The following FGD6 variants were observed in gnomAD, a reference collection of about 807,000 sequenced individuals.
FGD6 encodes FYVE, RhoGEF and PH domain containing 6.
A neutral mutation model predicts 149.4 loss-of-function variants in FGD6; 90 were observed. That is an observed-to-expected ratio of 0.60 (90% CI 0.51 to 0.72). FGD6 has a LOEUF of 0.72. Among genes scored for constraint, FGD6 ranks in the 30% least tolerant of loss-of-function variants. FGD6 has a pLI of 0.00. For synonymous variants in FGD6, 527 were observed against 584.0 expected (o/e 0.90, Z 1.41); for missense variants, 1,437 against 1,684.8 (o/e 0.85, Z 2.57).
At chr12:95,149,273 C>CATATATATTATATAAT (rs1213774046) in intron 5 of FGD6, among the ~76,000 whole-genome samples, 1 of 20,156 alleles carries the variant, frequency 5.0e-5, no homozygotes, top group Non-Finnish European at 8.6e-5. Flanking sequence ...TATTATATTA[C>CATATATATTATATAAT]ATATAGCATA....
At chr12:95,135,762 T>C (rs1327472600) in intron 7 of FGD6, among the ~76,000 whole-genome samples, 1 of 152,242 alleles carries the variant, frequency 6.6e-6, no homozygotes, top group Non-Finnish European at 1.5e-5. Context: ...AGAGTGATTA[T>C]GAAATTATAA....
At position 95,210,363 on chromosome 12, in the gene FGD6, T is replaced by C. The variant is rs1272854152; in HGVS notation, c.921A>G (p.Pro307=). The C allele has an allele frequency of 4.3e-6, 7 of 1,613,434 alleles. No individual in the cohort carries two copies. Among genetic ancestry groups the C allele is most frequent in the Admixed American group, 3.3e-5 (2 of 59,836 alleles). The change falls in exon 2 of 21, where the codon CCA becomes CCG. Residue 307 remains proline, a synonymous_variant. Transcript: ENST00000343958. ...DLGPLEIHLV[P]YTPKFPTPKP... Reference sequence around the variant, plus strand: ...TGGGAGTTGGAAATTTTGGGGTATATGGTACTAAATGAATTTCTAAGGGAC... The same window carrying C: ...TGGGAGTTGGAAATTTTGGGGTATACGGTACTAAATGAATTTCTAAGGGAC...
intron 8 of FGD6, among the ~76,000 whole-genome samples, chr12:95,119,901 C>T (rs1438988716): frequency 1.3e-5 from 2 of 152,018 alleles, no homozygotes; most frequent in African/African-American, 2.4e-5. Flanking sequence ...GCCTGGGTGA[C>T]AGAGCAAGAC....
At chr12:95,197,472 G>C (rs187334803) in intron 2 of FGD6, among the ~76,000 whole-genome samples, 8 of 151,942 alleles carry the variant, frequency 5.3e-5, no homozygotes, top group Non-Finnish European at 2.9e-5. Flanking sequence ...ACCCCAAAAG[G>C]CTCCATAAAG....
chr12:95,203,761 A>C (rs1303498018), intron 2 of FGD6, among the ~76,000 whole-genome samples: 1 of 152,254 alleles, frequency 6.6e-6, no homozygotes, highest in African/African-American at 2.4e-5. Context: ...TATTTATAAT[A>C]AGAACAAATT....
intron 8 of FGD6, among the ~76,000 whole-genome samples, chr12:95,132,038 C>A (rs1565904104): frequency 2.6e-5 from 4 of 152,086 alleles, no homozygotes; most frequent in African/African-American, 7.2e-5. Context: ...GATTTCATCT[C>A]ATAAATAAAT....
At chr12:95,144,070 CAT>C (rs2136265103) in intron 5 of FGD6, among the ~76,000 whole-genome samples, 1 of 152,288 alleles carries the variant, frequency 6.6e-6, no homozygotes, top group African/African-American at 2.4e-5. Context: ...CCCTGCATTC[CAT>C]ATGTCTGCCA....
intron 13 of FGD6, among the ~76,000 whole-genome samples, chr12:95,105,867 T>C (rs1339178774): frequency 6.6e-6 from 1 of 151,654 alleles, no homozygotes; most frequent in Non-Finnish European, 1.5e-5. Flanking sequence ...CTGTGAAAAA[T>C]ACAAAAATTA....
chr12:95,121,168 T>C (rs1002160027), intron 8 of FGD6, among the ~76,000 whole-genome samples: 7 of 151,918 alleles, frequency 4.6e-5, no homozygotes, highest in East Asian at 3.9e-4. Context: ...GGCTGGCTGC[T>C]GTGGCTCACC....
chr12:95,106,447 G>GTT (rs540286027), intron 13 of FGD6, among the ~76,000 whole-genome samples: 6 of 139,000 alleles, frequency 4.3e-5, no homozygotes, highest in South Asian at 2.3e-4. Context: ...ATTTTTGTTT[G>GTT]TTTTTTTTTT....
chr12:95,159,367 T>G (rs1880572263), intron 3 of FGD6, among the ~76,000 whole-genome samples: 1 of 152,100 alleles, frequency 6.6e-6, no homozygotes, highest in South Asian at 2.1e-4. Context: ...TTAGGCAGAG[T>G]TATTAGATAT....
chr12:95,094,936 T>A (rs545503944), intron 14 of FGD6, among the ~76,000 whole-genome samples: 1 of 152,364 alleles, frequency 6.6e-6, no homozygotes, highest in South Asian at 2.1e-4. Context: ...TTCTGCTTTA[T>A]ATTAAATAGC....
intron 2 of FGD6, 150 bp downstream of exon 2, chr12:95,208,693 T>C (rs1187473827): frequency 1.1e-6 from 1 of 913,560 alleles, no homozygotes; most frequent in African/African-American, 1.7e-5. Context: ...AACTGTATGC[T>C]AAAAGGAGGC....
chr12:95,208,853 G>A lies in FGD6; in HGVS notation c.2431C>T (p.Gln811Ter). The A allele has an allele frequency of 1.2e-6, 2 of 1,611,910 alleles. No individual in the cohort carries two copies. Among genetic ancestry groups the A allele is most frequent in the Non-Finnish European group, 1.7e-6 (2 of 1,178,642 alleles). ...TCTGGCACCTGTTACCTGGAATGCT[G>A]ATGTCTGGGTCCAAGCTGCAGCTGG... Reference protein sequence around the residue: ...DGQLQLGPRHQHSSSGASQEE... With the variant: ...DGQLQLGPRH Residue 811 changes from glutamine (Q) to a stop codon, truncating the protein, a stop_gained, in exon 2 of 21, where the codon CAG (glutamine) becomes TAG (stop). Transcript: ENST00000343958. LOFTEE classifies it high-confidence loss of function.
At chr12:95,110,023 T>C (rs533251258) in intron 9 of FGD6, among the ~76,000 whole-genome samples, 107 of 151,958 alleles carry the variant, frequency 7.0e-4, no homozygotes, top group South Asian at 6.2e-3. Flanking sequence ...GTCACCCAGG[T>C]TGGAGTGCAG....
intron 2 of FGD6, among the ~76,000 whole-genome samples, chr12:95,184,539 C>G (rs968573469): frequency 3.3e-5 from 5 of 151,012 alleles, no homozygotes; most frequent in Non-Finnish European, 7.4e-5. Context: ...CCTGGGGAAG[C>G]TGTAGAGGGT....
rs1292065907 is a variant in FGD6, at chr12:95,209,429, T to C, written c.1855A>G (p.Lys619Glu). Reference sequence around the variant, plus strand: ...AAAGAGTTTTTCTTTGTAGAGTCTTTGCAAGGCTTAGTGCACTTTTCCACA... The same window carrying C: ...AAAGAGTTTTTCTTTGTAGAGTCTTCGCAAGGCTTAGTGCACTTTTCCACA... Reference protein sequence around the residue: ...MDVEKCTKPCKDSTKKNSFKK... With the variant: ...MDVEKCTKPCEDSTKKNSFKK... Residue 619 changes from lysine to glutamate, a missense_variant, in exon 2 of 21, where the codon AAA (lysine) becomes GAA (glutamate). Coordinates refer to ENST00000343958, the MANE Select transcript of FGD6 (RefSeq NM_018351.4). The C allele has an allele frequency of 4.3e-6, 7 of 1,613,296 alleles. No homozygotes were observed. The South Asian group carries it at 7.7e-5, about 18-fold the overall frequency.
chr12:95,186,649 T>C (rs929100185), intron 2 of FGD6, among the ~76,000 whole-genome samples: 1 of 152,162 alleles, frequency 6.6e-6, no homozygotes, highest in South Asian at 2.1e-4. Context: ...TTGCACTACA[T>C]TGGCAGAGCT....
chr12:95,113,532 G>A, intron 9 of FGD6, 119 bp downstream of exon 9: 8 of 782,180 alleles, frequency 1.0e-5, no homozygotes, highest in South Asian at 8.2e-5. Context: ...CACCGCACCT[G>A]CCCTTCAAGT....
Sources: allele counts gnomAD v4.1 joint callset (sites outside exome capture counted in the v4.1 genomes callset), GRCh38; gene constraint gnomAD v4.1.1; transcripts MANE v1.5; gene names NCBI Gene and HGNC (gene_info 2026-07-23, HGNC 2026-07-21).